ST18: variants seen among roughly 807,000 people sequenced by gnomAD.
ST18 encodes suppression of tumorigenicity 18 protein.
ST18 carries 50 observed loss-of-function variants against 110.0 expected under a neutral mutation model. That is an observed-to-expected ratio of 0.45 (90% CI 0.36 to 0.58). ST18 has a LOEUF of 0.58. Among genes scored for constraint, ST18 ranks in the 20% least tolerant of loss-of-function variants. The pLI is 0.00. For synonymous variants in ST18, 461 were observed against 452.4 expected, an observed-to-expected ratio of 1.02 and a Z score of -0.24; for missense variants, 1,306 against 1,280.1, an observed-to-expected ratio of 1.02 and a Z score of -0.31.
chr8:52,269,418 T>C (rs558445429), intron 2 of ST18, among the ~76,000 whole-genome samples: 1 of 152,294 alleles, frequency 6.6e-6, no homozygotes, highest in East Asian at 1.9e-4. Flanking sequence ...TGTCACTTAA[T>C]AGGATGTTAG....
chr8:52,244,152 G>A (rs191084435), intron 2 of ST18, among the ~76,000 whole-genome samples: 1 of 152,218 alleles, frequency 6.6e-6, no homozygotes, highest in African/African-American at 2.4e-5. Flanking sequence ...GGCAAAGACG[G>A]GCCATGGTGA....
chr8:52,222,126 T>C (rs553503140), intron 3 of ST18: 20 of 152,340 alleles, frequency 1.3e-4, no homozygotes, highest in African/African-American at 4.6e-4. Flanking sequence ...TATCGTGTTA[T>C]GTATTTATTA....
At chr8:52,301,210 C>T (rs1470863430) in intron 2 of ST18, among the ~76,000 whole-genome samples, 2 of 152,142 alleles carry the variant, frequency 1.3e-5, no homozygotes, top group Non-Finnish European at 2.9e-5. Context: ...TCCTATTTAA[C>T]TCCTTTGAGG....
intron 2 of ST18, among the ~76,000 whole-genome samples, chr8:52,396,405 A>G (rs756440234): frequency 2.0e-5 from 3 of 152,170 alleles, no homozygotes; most frequent in Non-Finnish European, 2.9e-5. Context: ...ACTTAGCATA[A>G]TGTCCTCCAG....
intron 2 of ST18, among the ~76,000 whole-genome samples, chr8:52,384,291 G>A (rs1243505838): frequency 6.6e-6 from 1 of 152,116 alleles, no homozygotes; most frequent in Non-Finnish European, 1.5e-5. Flanking sequence ...CCTGCTGGAT[G>A]TTGCTTCTAT....
chr8:52,167,113 T>A (rs1335683562), intron 10 of ST18, 127 bp from the exon 11 acceptor site: 1 of 1,307,754 alleles, frequency 7.6e-7, no homozygotes. Context: ...TCTTCTCACA[T>A]CGCCTTGAAC....
intron 2 of ST18, among the ~76,000 whole-genome samples, chr8:52,302,929 G>T (rs976996994): frequency 6.6e-6 from 1 of 152,090 alleles, no homozygotes; most frequent in East Asian, 1.9e-4. Flanking sequence ...AAGAAGCATC[G>T]ATGGATGCTA....
At chr8:52,376,369 T>C (rs1451441558) in intron 2 of ST18, among the ~76,000 whole-genome samples, 1 of 152,112 alleles carries the variant, frequency 6.6e-6, no homozygotes, top group African/African-American at 2.4e-5. Context: ...TGCTGGCTCT[T>C]TCCTTTGCCC....
intron 8 of ST18, among the ~76,000 whole-genome samples, chr8:52,195,340 C>G (rs2075862070): frequency 6.6e-6 from 1 of 152,084 alleles, no homozygotes; most frequent in African/African-American, 2.4e-5. Context: ...AAAGCCCACA[C>G]TGTTATTTTA....
intron 2 of ST18, among the ~76,000 whole-genome samples, chr8:52,297,028 G>C (rs1443132424): frequency 6.6e-6 from 1 of 152,174 alleles, no homozygotes; most frequent in Non-Finnish European, 1.5e-5. Flanking sequence ...AGATAATAAT[G>C]CATGAGTCCC....
chr8:52,203,384 T>C (rs1298778441), intron 8 of ST18, among the ~76,000 whole-genome samples: 1 of 152,112 alleles, frequency 6.6e-6, no homozygotes, highest in Non-Finnish European at 1.5e-5. Flanking sequence ...TCTGCCAACC[T>C]TTGTACCATA....
chr8:52,273,395 G>C (rs1458804630), intron 2 of ST18, among the ~76,000 whole-genome samples: 2 of 152,174 alleles, frequency 1.3e-5, no homozygotes, highest in Admixed American at 6.5e-5. Flanking sequence ...ATTCATAGGA[G>C]ATCTTAATAA....
chr8:52,113,309 T>C lies in ST18; in HGVS notation c.3033A>G (p.Ala1011=). The C allele has an allele frequency of 6.2e-7, 1 of 1,613,990 alleles. No homozygotes were observed. The highest frequency in any genetic ancestry group is 8.5e-7 in the Non-Finnish European group (1 of 1,179,906). Reference sequence around the variant, plus strand: ...ACATATCTGTGAGTGTATTTACATATGCTTCAAAATTCTGCTCACTGATAG... The same window carrying C: ...ACATATCTGTGAGTGTATTTACATACGCTTCAAAATTCTGCTCACTGATAG... ...MGPISEQNFE[A]YVNTLTDMYS... The change falls in exon 26 of 26, where the codon GCA becomes GCG. Residue 1011 remains alanine (A), a synonymous_variant. Coordinates refer to ENST00000689386, the MANE Select transcript of ST18 (RefSeq NM_001352837.2).
At chr8:52,140,349 G>C (rs1455131090) in intron 17 of ST18, among the ~76,000 whole-genome samples, 3 of 152,134 alleles carry the variant, frequency 2.0e-5, no homozygotes, top group African/African-American at 7.2e-5. Flanking sequence ...GGCCAACATG[G>C]CGAAACCCTG....
intron 2 of ST18, among the ~76,000 whole-genome samples, chr8:52,276,385 C>T (rs1470086898): frequency 6.7e-6 from 1 of 148,528 alleles, no homozygotes; most frequent in Non-Finnish European, 1.5e-5. Context: ...ACTACACATA[C>T]ACCATACGTT....
chr8:52,258,170 A>T (rs1192912175), intron 2 of ST18, among the ~76,000 whole-genome samples: 1 of 152,128 alleles, frequency 6.6e-6, no homozygotes, highest in Non-Finnish European at 1.5e-5. Flanking sequence ...CACTGTCTTG[A>T]TTACTGTAGT....
Position 52,198,255 on chromosome 8 carries a change from T to C in ST18, c.86+13824A>G, listed in dbSNP as rs894146701. 2.8e-4 allele frequency among the ~76,000 whole-genome samples: 42 copies of C among 152,280 alleles called. 1 individual carries two copies. The Middle Eastern group carries it at 0.017, about 62-fold the overall frequency. On this transcript the variant is annotated intron_variant, in intron 8 of 25. Transcript: ENST00000689386. The stretch of plus-strand genomic sequence containing the variant: ...CTCCTGACCTTGTGATCTGCCTGCC[T>C]CAACCTCCCAAAGTACTGGGATTAC...
At chr8:52,312,755 G>C (rs147852535) in intron 2 of ST18, among the ~76,000 whole-genome samples, 29 of 152,314 alleles carry the variant, frequency 1.9e-4, no homozygotes, top group Non-Finnish European at 7.3e-5. Flanking sequence ...CAGTTAGCTT[G>C]AGTGGACCTG....
At chr8:52,388,630 G>A (rs1490331180) in intron 2 of ST18, among the ~76,000 whole-genome samples, 1 of 151,996 alleles carries the variant, frequency 6.6e-6, no homozygotes, top group African/African-American at 2.4e-5. Flanking sequence ...GTAACGGTCA[G>A]CAGGAATGAG....
Sources: allele counts gnomAD v4.1 joint callset (sites outside exome capture counted in the v4.1 genomes callset), GRCh38; gene constraint gnomAD v4.1.1; transcripts MANE v1.5; gene names NCBI Gene and HGNC (gene_info 2026-07-23, HGNC 2026-07-21).